LAMP3: variants seen among roughly 807,000 people sequenced by gnomAD.
LAMP3 encodes the protein lysosome associated membrane protein 3.
In LAMP3, 26 loss-of-function variants were observed where a neutral mutation model predicts 34.8. That is an observed-to-expected ratio of 0.75 (90% CI 0.55 to 1.04). The LOEUF is 1.04. Among genes scored for constraint, LAMP3 ranks in the 50% least tolerant of loss-of-function variants. The probability of loss-of-function intolerance (pLI) is 0.00; values close to 1 mark genes in which losing one functional copy is unlikely to be tolerated. For missense variants in LAMP3, 495 were observed against 524.0 expected, an observed-to-expected ratio of 0.94 and a Z score of 0.54; for synonymous variants, 180 against 201.9, an observed-to-expected ratio of 0.89 and a Z score of 0.92.
intron 3 of LAMP3, among the ~76,000 whole-genome samples, chr3:183,149,509 C>T (rs540631231): frequency 5.2e-5 from 7 of 133,766 alleles, no homozygotes; most frequent in Non-Finnish European, 1.1e-4. Flanking sequence ...CGCACCACTG[C>T]ACTCCAGCCT....
intron 3 of LAMP3, among the ~76,000 whole-genome samples, chr3:183,146,286 C>T (rs1229597886): frequency 6.6e-6 from 1 of 152,208 alleles, no homozygotes; most frequent in African/African-American, 2.4e-5. Context: ...AAAGACTTAT[C>T]TGGCCTCAAA....
chr3:183,135,922 G>A (rs1423077920), intron 4 of LAMP3, 35 bp from the exon 5 acceptor site: 1 of 1,546,436 alleles, frequency 6.5e-7, no homozygotes, highest in South Asian at 1.1e-5. Flanking sequence ...TAAGAGTCCT[G>A]AGATGTAACC....
At chr3:183,152,612 G>T in intron 2 of LAMP3, 109 bp from the exon 3 acceptor site, 1 of 981,656 alleles carries the variant, frequency 1.0e-6, no homozygotes, top group Non-Finnish European at 1.5e-6. Flanking sequence ...CTGAGGATTC[G>T]CTGGAGAACT....
chr3:183,154,356 C>T lies in LAMP3; in HGVS notation c.85G>A (p.Ala29Thr), dbSNP rs754933321. ...LHDGSQMRAKAFPETRDYSQP... is the reference protein window; with the variant it reads ...LHDGSQMRAKTFPETRDYSQP... Reference sequence around the variant, plus strand: ...GAATAATCTCTGGTTTCTGGAAATGCTTTTGCTCTCATTTGACTGCCATCG... The same window carrying T: ...GAATAATCTCTGGTTTCTGGAAATGTTTTTGCTCTCATTTGACTGCCATCG... The change falls in exon 2 of 6, where the codon GCA becomes ACA. Residue 29 changes from alanine (A) to threonine (T), a missense_variant. Ala to Thr is a moderately conservative substitution (Grantham distance 58). Transcript: ENST00000265598. 11 of 1,606,640 alleles carry T rather than the reference C, an allele frequency of 6.8e-6. No homozygotes were observed. The South Asian group carries it at 1.1e-4, about 16-fold the overall frequency.
chr3:183,150,547 G>T (rs1383490232), intron 3 of LAMP3, among the ~76,000 whole-genome samples: 1 of 143,566 alleles, frequency 7.0e-6, no homozygotes, highest in East Asian at 2.0e-4. Flanking sequence ...TGTATCTTCT[G>T]CTATTTTGCC....
intron 5 of LAMP3, among the ~76,000 whole-genome samples, chr3:183,131,072 T>A (rs1719905032): frequency 6.6e-6 from 1 of 152,228 alleles, no homozygotes; most frequent in Admixed American, 6.5e-5. Context: ...TTTTTGTGGT[T>A]ACCAGAATGC....
rs768149107 is a variant in LAMP3, at chr3:183,135,893, AAGGTGACAGATAG to A, written c.947-19_947-7del. The A allele has an allele frequency of 6.2e-6, 10 of 1,610,732 alleles. No homozygotes were observed. The highest frequency in any genetic ancestry group is 1.7e-6 in the Non-Finnish European group (2 of 1,176,922). On this transcript the variant is annotated splice_polypyrimidine_tract_variant and splice_region_variant and intron_variant, in intron 4 of 5. Transcript: ENST00000265598. ...GATTCCTTGGTAAATTGTCTCTGAA[AAGGTGACAGATAG>A]ATGCATAAGAGTCCTGAGATGTAAC...
intron 5 of LAMP3, among the ~76,000 whole-genome samples, chr3:183,133,820 G>A (rs1719998556): frequency 6.6e-6 from 1 of 152,302 alleles, no homozygotes; most frequent in African/African-American, 2.4e-5. Flanking sequence ...TAGGAGTCAG[G>A]AGTCTACTGT....
chr3:183,135,425 C>T (rs994265331), intron 5 of LAMP3, among the ~76,000 whole-genome samples: 29 of 152,140 alleles, frequency 1.9e-4, no homozygotes, highest in South Asian at 6.2e-4. Context: ...AAAGGGAAGT[C>T]GCAGGTGGTA....
intron 3 of LAMP3, among the ~76,000 whole-genome samples, chr3:183,146,493 G>T (rs1434490068): frequency 6.8e-6 from 1 of 147,756 alleles, no homozygotes; most frequent in African/African-American, 2.5e-5. Flanking sequence ...GCCTTCAGTT[G>T]TATGTTTTTT....
intron 5 of LAMP3, among the ~76,000 whole-genome samples, chr3:183,129,404 C>T (rs909492124): frequency 1.3e-5 from 2 of 152,060 alleles, no homozygotes; most frequent in Non-Finnish European, 2.9e-5. Flanking sequence ...ACGTCAGAGG[C>T]ACCAATTATA....
Position 183,154,349 on chromosome 3 carries a change from G to A in LAMP3, c.92C>T (p.Pro31Leu). 6.2e-7 allele frequency: 1 copy of A among 1,608,786 alleles called. No individual in the cohort carries two copies. ...DGSQMRAKAF[P>L]ETRDYSQPTA... Reference sequence around the variant, plus strand: ...AGGTTGAGAATAATCTCTGGTTTCTGGAAATGCTTTTGCTCTCATTTGACT... The same window carrying A: ...AGGTTGAGAATAATCTCTGGTTTCTAGAAATGCTTTTGCTCTCATTTGACT... Residue 31 changes from proline to leucine, a missense_variant, in exon 2 of 6, where the codon CCA (proline) becomes CTA (leucine). Transcript: ENST00000265598.
intron 3 of LAMP3, among the ~76,000 whole-genome samples, 157 bp downstream of exon 3, chr3:183,152,218 A>G (rs536264850): frequency 3.3e-5 from 5 of 152,308 alleles, no homozygotes; most frequent in African/African-American, 1.2e-4. Context: ...GAAGACAAAC[A>G]TAAGATGTTG....
upstream of LAMP3, among the ~76,000 whole-genome samples, chr3:183,163,105 G>GCC (rs1235160826): frequency 2.1e-4 from 31 of 150,102 alleles, no homozygotes; most frequent in Non-Finnish European, 3.6e-4. Context: ...TTACAGGCAT[G>GCC]CACCACCACA....
At chr3:183,133,440 C>T (rs947559439) in intron 5 of LAMP3, among the ~76,000 whole-genome samples, 9 of 152,180 alleles carry the variant, frequency 5.9e-5, no homozygotes, top group African/African-American at 2.2e-4. Context: ...CTGCAACCTC[C>T]GCCTCCTGAT....
At chr3:183,136,871 G>A (rs1720113170) in intron 4 of LAMP3, among the ~76,000 whole-genome samples, 1 of 152,042 alleles carries the variant, frequency 6.6e-6, no homozygotes, top group Admixed American at 6.5e-5. Flanking sequence ...GGCCAGGCAT[G>A]GTGGCACACA....
At position 183,135,822 on chromosome 3, in the gene LAMP3, T is replaced by C; in HGVS notation, c.1012A>G (p.Lys338Glu). The C allele has an allele frequency of 6.2e-7, 1 of 1,613,870 alleles. No homozygotes were observed. Among genetic ancestry groups the C allele is most frequent in the Non-Finnish European group, 8.5e-7 (1 of 1,179,710 alleles). ...TGGAGGCTCTGTTCACTCACGCACTTGAAGGAATGCCCGACTGCTGTCTGG... is the reference window on the plus strand; with the variant it reads ...TGGAGGCTCTGTTCACTCACGCACTCGAAGGAATGCCCGACTGCTGTCTGG... ...MFQTAVGHSF[K>E]CVSEQSLQLS... The change falls in exon 5 of 6, where the codon AAG (lysine) becomes GAG (glutamate). Residue 338 changes from lysine to glutamate, a missense_variant. Physicochemically the swap from Lys to Glu is moderately conservative, Grantham distance 56. Coordinates refer to ENST00000265598, the MANE Select transcript of LAMP3 (RefSeq NM_014398.4).
chr3:183,152,011 AGAATAATCCTGTTCCTCC>A (rs998629178), intron 3 of LAMP3, among the ~76,000 whole-genome samples: 2 of 152,180 alleles, frequency 1.3e-5, no homozygotes, highest in African/African-American at 4.8e-5. Flanking sequence ...TTTCGGTTTT[AGAATAATCCTGTTCCTCC>A]GAATAATCCT....
chr3:183,144,187 T>C (rs1378128252), intron 3 of LAMP3, among the ~76,000 whole-genome samples: 1 of 152,208 alleles, frequency 6.6e-6, no homozygotes, highest in East Asian at 1.9e-4. Context: ...GAACCTGTGA[T>C]CTACTTTTTG....
Sources: allele counts gnomAD v4.1 joint callset (sites outside exome capture counted in the v4.1 genomes callset), GRCh38; gene constraint gnomAD v4.1.1; transcripts MANE v1.5; gene names NCBI Gene and HGNC (gene_info 2026-07-23, HGNC 2026-07-21).